MPDZ: variants seen among roughly 807,000 people sequenced by gnomAD.
The protein encoded by MPDZ is multiple PDZ domain protein.
A neutral mutation model predicts 239.1 loss-of-function variants in MPDZ; 234 were observed. The ratio of observed to expected loss-of-function variants is 0.98; its 90% CI spans 0.88 to 1.09. MPDZ has a LOEUF of 1.09. Among genes scored for constraint, MPDZ ranks in the 50% least tolerant of loss-of-function variants. The pLI is 0.00. For missense variants in MPDZ, 3,175 were observed against 2,510.0 expected (o/e 1.26, Z -5.66); for synonymous variants, 1,048 against 881.3 (o/e 1.19, Z -3.35).
chr9:13,240,390 A>C (rs1169378631), intron 3 of MPDZ, among the ~76,000 whole-genome samples: 1 of 151,890 alleles, frequency 6.6e-6, no homozygotes, highest in Non-Finnish European at 1.5e-5. Flanking sequence ...TTACGTTAAA[A>C]AGAATCTATG....
At chr9:13,112,939 T>C in intron 42 of MPDZ, 72 bp downstream of exon 42, 1 of 1,375,766 alleles carries the variant, frequency 7.3e-7, no homozygotes, top group Non-Finnish European at 1.0e-6. Context: ...CGTAAGAAAG[T>C]TAACAAGAAA....
chr9:13,205,585 G>A (rs919449456), intron 11 of MPDZ, among the ~76,000 whole-genome samples: 1 of 152,116 alleles, frequency 6.6e-6, no homozygotes, highest in East Asian at 1.9e-4. Flanking sequence ...CCCCTAAAGT[G>A]AGAACATTGC....
At chr9:13,234,358 AAAAG>A (rs1963372484) in intron 3 of MPDZ, among the ~76,000 whole-genome samples, 1 of 152,076 alleles carries the variant, frequency 6.6e-6, no homozygotes, top group African/African-American at 2.4e-5. Context: ...TTGTTAAGTG[AAAAG>A]AAAGTTAATA....
Position 13,175,657 on chromosome 9 carries a change from A to G in MPDZ, c.3055+95T>C, listed in dbSNP as rs1952372917. 32 of 1,283,374 alleles carry G rather than the reference A, an allele frequency of 2.5e-5. No individual in the cohort carries two copies. The South Asian group carries it at 4.0e-4, about 16-fold the overall frequency. 79.5% of individuals were successfully genotyped at this position (1,283,374 alleles called of 1,614,324 possible). A position where few individuals can be genotyped will look rare whatever the true frequency, so the allele number is the denominator to read the frequency against. On this transcript the variant is annotated intron_variant, in intron 21 of 46. Transcript: ENST00000319217. ...GAAAATTTCTACCATCTGTTCTCTT[A>G]TCTACAGCATAAAAAATTGAAATTT... is the stretch of plus-strand genomic sequence containing the variant.
intron 15 of MPDZ, among the ~76,000 whole-genome samples, chr9:13,190,660 ATTC>A (rs1954787348): frequency 6.6e-6 from 1 of 152,130 alleles, no homozygotes; most frequent in South Asian, 2.1e-4. Context: ...AATAAAAGGA[ATTC>A]TTATGATAAA....
chr9:13,274,383 G>T (rs1425307629), intron 1 of MPDZ: 1 of 151,064 alleles, frequency 6.6e-6, no homozygotes, highest in African/African-American at 2.4e-5. Context: ...TGGTTTACAA[G>T]AAAATAACAA....
At chr9:13,163,644 A>G (rs1214463057) in intron 22 of MPDZ, among the ~76,000 whole-genome samples, 1 of 152,188 alleles carries the variant, frequency 6.6e-6, no homozygotes, top group Non-Finnish European at 1.5e-5. Context: ...GAATAGTAAC[A>G]TAAGAGAAAT....
At chr9:13,110,800 A>G (rs543234027) in intron 43 of MPDZ, 60 bp from the exon 44 acceptor site, 1,297 of 1,163,656 alleles carry the variant, frequency 1.1e-3, no homozygotes, top group Non-Finnish European at 1.4e-3. Flanking sequence ...TGGGTCTTTG[A>G]GACCTAAGTA....
intron 30 of MPDZ, 121 bp from the exon 31 acceptor site, chr9:13,136,303 C>T (rs973315372): frequency 1.2e-5 from 4 of 345,098 alleles, no homozygotes; most frequent in African/African-American, 3.0e-5. Flanking sequence ...AACTGTGACA[C>T]TTACAAATTT....
intron 3 of MPDZ, among the ~76,000 whole-genome samples, chr9:13,244,330 G>A (rs914068163): frequency 1.3e-5 from 2 of 152,218 alleles, no homozygotes; most frequent in Middle Eastern, 6.8e-3. Flanking sequence ...TCATGAATAC[G>A]CATTAAGCCC....
chr9:13,272,747 T>A (rs181255756), intron 1 of MPDZ, among the ~76,000 whole-genome samples: 234 of 150,248 alleles, frequency 1.6e-3, no homozygotes, highest in African/African-American at 5.5e-3. Flanking sequence ...ATGAATGCTG[T>A]CCAGAAGTGG....
At chr9:13,265,871 G>A (rs1331833366) in intron 1 of MPDZ, among the ~76,000 whole-genome samples, 1 of 152,116 alleles carries the variant, frequency 6.6e-6, no homozygotes, top group Non-Finnish European at 1.5e-5. Flanking sequence ...TGTGGAACTA[G>A]GAGGTAGGAG....
intron 21 of MPDZ, among the ~76,000 whole-genome samples, chr9:13,172,312 C>G (rs1951873934): frequency 6.6e-6 from 1 of 151,484 alleles, no homozygotes; most frequent in Admixed American, 6.6e-5. Context: ...TTGTGATTTA[C>G]ACTTTTATAT....
chr9:13,158,328 T>G (rs1375924360), intron 23 of MPDZ, among the ~76,000 whole-genome samples: 1 of 152,146 alleles, frequency 6.6e-6, no homozygotes. Context: ...AGCGTAGAGC[T>G]GAACACTAAG....
At position 13,165,051 on chromosome 9, in the gene MPDZ, T is replaced by C. The variant is rs561890854; in HGVS notation, c.3255-2256A>G. On this transcript the variant is annotated intron_variant, in intron 22 of 46. Transcript: ENST00000319217. ...CCATTAGAGATGCTGAAATGTGATA[T>C]GGCTATTAATGCAGAGACTATTCCT... is the stretch of plus-strand genomic sequence containing the variant. 3.9e-5 allele frequency among the ~76,000 whole-genome samples: 6 copies of C among 152,302 alleles called. No homozygotes were observed. The South Asian group carries it at 1.0e-3, about 26-fold the overall frequency.
chr9:13,271,184 A>G (rs1293741936), intron 1 of MPDZ, among the ~76,000 whole-genome samples: 2 of 152,284 alleles, frequency 1.3e-5, no homozygotes, highest in Admixed American at 6.5e-5. Context: ...ATTGACTTAC[A>G]TATTTTGTAG....
intron 1 of MPDZ, among the ~76,000 whole-genome samples, chr9:13,265,509 C>T (rs879312142): frequency 1.3e-5 from 2 of 152,140 alleles, no homozygotes; most frequent in South Asian, 2.1e-4. Context: ...GCAGAGGCTG[C>T]GGTAAGCCGA....
intron 37 of MPDZ, 35 bp from the exon 38 acceptor site, chr9:13,121,967 T>C (rs1370602759): frequency 1.2e-6 from 2 of 1,604,890 alleles, no homozygotes; most frequent in Admixed American, 1.7e-5. Flanking sequence ...GTAAGGAACA[T>C]GAGAAGTAAA....
intron 42 of MPDZ, among the ~76,000 whole-genome samples, chr9:13,112,492 G>A (rs531071454): frequency 6.6e-6 from 1 of 152,224 alleles, no homozygotes; most frequent in South Asian, 2.1e-4. Flanking sequence ...CTGGAACTTG[G>A]AATAAGTCCA....
Sources: allele counts gnomAD v4.1 joint callset (sites outside exome capture counted in the v4.1 genomes callset), GRCh38; gene constraint gnomAD v4.1.1; transcripts MANE v1.5; gene names NCBI Gene and HGNC (gene_info 2026-07-23, HGNC 2026-07-21).